Variants in ASTN2 observed in about 807,000 individuals in gnomAD.
ASTN2 encodes the protein astrotactin-2.
In ASTN2, 54 loss-of-function variants were observed where a neutral mutation model predicts 139.8. That is an observed-to-expected ratio of 0.39 (90% CI 0.31 to 0.48). The LOEUF (loss-of-function observed/expected upper bound fraction) is 0.48, where lower values mean the gene tolerates loss of function less well. ASTN2 is among the 20% of genes least tolerant of loss of function. The pLI is 0.95. For synonymous variants in ASTN2, 756 were observed against 719.5 expected (o/e 1.05, Z -0.81); for missense variants, 1,565 against 1,725.1 (o/e 0.91, Z 1.64).
chr9:116,731,570 C>T (rs1285086360), intron 14 of ASTN2, among the ~76,000 whole-genome samples: 1 of 151,974 alleles, frequency 6.6e-6, no homozygotes, highest in Non-Finnish European at 1.5e-5. Context: ...TTACAGGCAC[C>T]CACCACCACC....
intron 10 of ASTN2, among the ~76,000 whole-genome samples, chr9:116,900,177 C>T (rs182248345): frequency 1.6e-4 from 25 of 152,318 alleles, no homozygotes; most frequent in Non-Finnish European, 1.5e-5. Flanking sequence ...AGTAAATTGA[C>T]TCTGTCTGTG....
chr9:117,407,667 G>C (rs1172840057), intron 1 of ASTN2, among the ~76,000 whole-genome samples: 2 of 152,272 alleles, frequency 1.3e-5, no homozygotes, highest in Non-Finnish European at 1.5e-5. Context: ...GTTCTTTTGG[G>C]GGGCTATTGT....
intron 19 of ASTN2, among the ~76,000 whole-genome samples, chr9:116,491,996 C>T (rs1849530459): frequency 6.6e-6 from 1 of 151,824 alleles, no homozygotes; most frequent in African/African-American, 2.4e-5. Context: ...CTAACTTAGA[C>T]AGTTGCAAAC....
intron 4 of ASTN2, among the ~76,000 whole-genome samples, chr9:117,100,917 G>A (rs1196276626): frequency 1.3e-5 from 2 of 152,194 alleles, no homozygotes; most frequent in Non-Finnish European, 2.9e-5. Context: ...ATTGGAGTCA[G>A]ACATGAGTTC....
intron 19 of ASTN2, among the ~76,000 whole-genome samples, chr9:116,573,398 CAG>C (rs1194009898): frequency 6.6e-6 from 1 of 152,126 alleles, no homozygotes; most frequent in Non-Finnish European, 1.5e-5. Flanking sequence ...TAAAGTTAAA[CAG>C]ATTTTTTTTC....
In ASTN2 at chr9:116,698,888, A is replaced by G; in HGVS notation, c.2806+26883T>C. The G allele has an allele frequency of 6.2e-7, 1 of 1,614,238 alleles. No homozygotes were observed. The highest frequency in any genetic ancestry group is 2.2e-5 in the East Asian group (1 of 44,870). ...CAGTCAGTCTCTACGTGACCAGTCA[A>G]GGTGAAGTACTAGTCGCTGACCGTG... On this transcript the variant is annotated intron_variant, in intron 16 of 22. Transcript: ENST00000313400. The surrounding 1 kb of genome is among the most constrained non-coding windows in gnomAD (Gnocchi z 4.4).
At chr9:116,964,113 A>T (rs1022107547) in intron 10 of ASTN2, among the ~76,000 whole-genome samples, 2 of 151,762 alleles carry the variant, frequency 1.3e-5, no homozygotes, top group Non-Finnish European at 2.9e-5. Flanking sequence ...CTTTGATATT[A>T]GTCTTCTTGT....
chr9:117,269,849 C>G (rs1035999889), intron 2 of ASTN2, among the ~76,000 whole-genome samples: 2 of 152,152 alleles, frequency 1.3e-5, no homozygotes, highest in Non-Finnish European at 2.9e-5. Flanking sequence ...TTTTTTTCCT[C>G]TTTATCTACT....
intron 10 of ASTN2, among the ~76,000 whole-genome samples, chr9:116,922,503 T>C (rs2132438247): frequency 6.6e-6 from 1 of 152,302 alleles, no homozygotes; most frequent in Non-Finnish European, 1.5e-5. Flanking sequence ...TTAAAAATAC[T>C]AAAACCTAGT....
chr9:116,923,989 T>C (rs576546907), intron 10 of ASTN2, among the ~76,000 whole-genome samples: 2 of 152,290 alleles, frequency 1.3e-5, no homozygotes, highest in South Asian at 2.1e-4. Flanking sequence ...TCTCCTCTTG[T>C]TACTGGAAAG....
chr9:116,427,417 T>A (rs910668700), intron 22 of ASTN2, among the ~76,000 whole-genome samples: 3 of 152,226 alleles, frequency 2.0e-5, no homozygotes, highest in Non-Finnish European at 2.9e-5. Context: ...AGAGAAGGAA[T>A]AGAATATCTT....
At chr9:116,650,428 T>C (rs1296588010) in intron 17 of ASTN2, among the ~76,000 whole-genome samples, 1 of 152,188 alleles carries the variant, frequency 6.6e-6, no homozygotes, top group Non-Finnish European at 1.5e-5. Context: ...GCTAAGCATA[T>C]AAACTCTGGA....
At chr9:117,380,320 G>A (rs1830232559) in intron 1 of ASTN2, among the ~76,000 whole-genome samples, 1 of 152,000 alleles carries the variant, frequency 6.6e-6, no homozygotes, top group African/African-American at 2.4e-5. Context: ...AAAGAATGAT[G>A]ACCAGGCCAG....
At chr9:116,761,974 A>G (rs1054278544) in intron 13 of ASTN2, among the ~76,000 whole-genome samples, 1 of 152,186 alleles carries the variant, frequency 6.6e-6, no homozygotes, top group South Asian at 2.1e-4. Context: ...AGATTCTTAG[A>G]TGTGGACATG....
chr9:117,142,474 T>C (rs1344763868), intron 3 of ASTN2, among the ~76,000 whole-genome samples: 2 of 152,200 alleles, frequency 1.3e-5, no homozygotes, highest in Non-Finnish European at 2.9e-5. Context: ...ATTGAGGGGA[T>C]GTTGAAGCCC....
Position 116,598,401 on chromosome 9 carries a change from T to C in ASTN2, c.3355+19923A>G, listed in dbSNP as rs575844529. On this transcript the variant is annotated intron_variant, in intron 19 of 22. Transcript: ENST00000313400. ...GACTCAGGGGAAGTTCCTTCACCAC[T>C]GGGATTCAGTTGCTTCATCTGTGAA... Among the ~76,000 whole-genome samples the C allele has an allele frequency of 7.2e-5, 11 of 152,344 alleles. No homozygotes were observed. In the South Asian group the frequency reaches 2.1e-3, roughly 29 times the overall value.
intron 22 of ASTN2, among the ~76,000 whole-genome samples, chr9:116,430,253 A>G (rs1453366385): frequency 6.6e-6 from 1 of 152,228 alleles, no homozygotes; most frequent in Non-Finnish European, 1.5e-5. Context: ...TTAGGAAAAC[A>G]TATTTGGAGT....
At chr9:116,815,328 T>C (rs1351821613) in intron 12 of ASTN2, among the ~76,000 whole-genome samples, 1 of 152,164 alleles carries the variant, frequency 6.6e-6, no homozygotes, top group South Asian at 2.1e-4. Context: ...TAAGGACTAT[T>C]TGAGGCTGGA....
intron 1 of ASTN2, among the ~76,000 whole-genome samples, chr9:117,334,202 T>C (rs1828802228): frequency 6.6e-6 from 1 of 152,136 alleles, no homozygotes; most frequent in African/African-American, 2.4e-5. Context: ...ATTTGCTGTC[T>C]CCTTCTCCAA....
Sources: allele counts gnomAD v4.1 joint callset (sites outside exome capture counted in the v4.1 genomes callset), GRCh38; gene constraint gnomAD v4.1.1; non-coding constraint Gnocchi (gnomAD v3.1); transcripts MANE v1.5; gene names NCBI Gene and HGNC (gene_info 2026-07-23, HGNC 2026-07-21).